Variants in DDT observed in about 807,000 individuals in gnomAD.
DDT encodes the protein D-dopachrome tautomerase.
In DDT, 4 loss-of-function variants were observed where a neutral mutation model predicts 2.5. The observed-to-expected ratio is 1.59, with a 90% CI of 0.78 to 3.63. The LOEUF is 3.63. Among genes scored for constraint, DDT ranks in the 30% most tolerant of loss-of-function variants. DDT has a pLI of 0.01. For missense variants in DDT, 32 were observed against 30.0 expected (o/e 1.07, Z -0.15); for synonymous variants, 11 against 10.0 (o/e 1.10, Z -0.19).
chr22:23,972,051 C>T (rs1350448281), intron 2 of DDT: 4 of 477,152 alleles, frequency 8.4e-6, no homozygotes, highest in African/African-American at 6.3e-5. Flanking sequence ...AGTGAACATG[C>T]CCCTCTCAGA....
intron 2 of DDT, chr22:23,972,002 C>T (rs965330106): frequency 2.6e-5 from 7 of 264,426 alleles, no homozygotes; most frequent in Non-Finnish European, 3.6e-5. Flanking sequence ...CAGGGTGACC[C>T]CCCACCCCAC....
intron 2 of DDT, chr22:23,972,076 TC>T: frequency 1.4e-6 from 1 of 721,314 alleles, no homozygotes; most frequent in Non-Finnish European, 1.7e-6. Flanking sequence ...ACAGCAAGTT[TC>T]CAGTGAGGAA....
In DDT at chr22:23,971,602, G is replaced by A. The variant is rs758879042; in HGVS notation, c.306C>T (p.Pro102=). The change falls in exon 3 of 3, where the codon CCC becomes CCT. Residue 102 remains proline (P), a synonymous_variant. Coordinates refer to ENST00000398344, the MANE Select transcript of DDT (RefSeq NM_001084392.3). Reference sequence around the variant, plus strand: ...TCTTGCCAATCTGCCAGGACTCCAAGGGGAAAAAGCGGATAAGTATCCTTC... The same window carrying A: ...TCTTGCCAATCTGCCAGGACTCCAAAGGGAAAAAGCGGATAAGTATCCTTC... The part of the protein sequence containing the change: ...GQDRILIRFF[P]LESWQIGKIG... 1 of 1,614,064 alleles carries A rather than the reference G, an allele frequency of 6.2e-7. No homozygotes were observed. The highest frequency in any genetic ancestry group is 1.1e-5 in the South Asian group (1 of 91,078).
Position 23,971,465 on chromosome 22 carries a change from G to A in DDT, c.*86C>T. The A allele has an allele frequency of 6.2e-7, 1 of 1,606,882 alleles. No individual in the cohort carries two copies. The highest frequency in any genetic ancestry group is 1.1e-5 in the South Asian group (1 of 90,354). On this transcript the variant is annotated 3_prime_UTR_variant, in exon 3 of 3. Coordinates refer to ENST00000398344, the MANE Select transcript of DDT (RefSeq NM_001084392.3). ...GTTGCATGCGGGATAATCCAAAGCT[G>A]GTTATCTCCAGGCCCTCACTCTGCC...
At chr22:23,971,697 C>T in intron 2 of DDT, 74 bp from the exon 3 acceptor site, 8 of 1,390,430 alleles carry the variant, frequency 5.8e-6, no homozygotes, top group Admixed American at 1.9e-5. Context: ...CTGCCAGGTA[C>T]TCCCACTGTG....
upstream of DDT, among the ~76,000 whole-genome samples, chr22:23,975,249 GCGT>G (rs1208895893): frequency 6.7e-6 from 1 of 149,048 alleles, no homozygotes; most frequent in African/African-American, 2.4e-5. Context: ...AATTAGCCGG[GCGT>G]GGTGGCAGAC....
chr22:23,972,082 G>T (rs2033917450), intron 2 of DDT: 2 of 787,000 alleles, frequency 2.5e-6, no homozygotes, highest in African/African-American at 1.9e-5. Context: ...AGTTTCCAGT[G>T]AGGAAAACCA....
At position 23,971,603 on chromosome 22, in the gene DDT, GGGAAAAAGCGGATAAGTATCCTTCA is replaced by G. The variant is rs2033903701; in HGVS notation, c.285-5_304del. 6.2e-7 allele frequency: 1 copy of G among 1,613,846 alleles called. No individual in the cohort carries two copies. The highest frequency in any genetic ancestry group is 1.3e-5 in the African/African-American group (1 of 74,888). ...CTTGCCAATCTGCCAGGACTCCAAG[GGGAAAAAGCGGATAAGTATCCTTCA>G]GGAGACAGAGAAAAAGATATCATCA... On this transcript the variant is annotated splice_acceptor_variant and splice_polypyrimidine_tract_variant and coding_sequence_variant and intron_variant, in exon 3 of 3. Coordinates refer to ENST00000398344, the MANE Select transcript of DDT (RefSeq NM_001084392.3). LOFTEE classifies it high-confidence loss of function.
chr22:23,975,388 C>G (rs1160728771), upstream of DDT, among the ~76,000 whole-genome samples: 2 of 147,766 alleles, frequency 1.4e-5, no homozygotes, highest in African/African-American at 5.0e-5. Flanking sequence ...GACTCCATCT[C>G]GAAAAAACAT....
chr22:23,971,409 A>G lies in DDT; in HGVS notation c.*142T>C. ...CTCTCTTCATTTATTTCATATGAGG[A>G]TGAAGAAGAGGATTATGTGATCACA... On this transcript the variant is annotated 3_prime_UTR_variant, in exon 3 of 3. Transcript: ENST00000398344. 1 of 1,613,204 alleles carries G rather than the reference A, an allele frequency of 6.2e-7. No homozygotes were observed. The highest frequency in any genetic ancestry group is 1.3e-5 in the African/African-American group (1 of 75,008).
At position 23,971,513 on chromosome 22, in the gene DDT, A is replaced by T; in HGVS notation, c.*38T>A. 1 of 1,612,170 alleles carries T rather than the reference A, an allele frequency of 6.2e-7. No individual in the cohort carries two copies. Among genetic ancestry groups the T allele is most frequent in the South Asian group, 1.1e-5 (1 of 90,920 alleles). On this transcript the variant is annotated 3_prime_UTR_variant, in exon 3 of 3. Transcript: ENST00000398344. ...GCCAAGAGATCTCTCTGGAAGAAGC[A>T]GCCAGTTCACAGATGCCCTGGATCC...
intron 2 of DDT, chr22:23,972,121 CG>C: frequency 1.0e-6 from 1 of 969,110 alleles, no homozygotes; most frequent in Non-Finnish European, 1.2e-6. Flanking sequence ...TTGGGGCGGG[CG>C]GGAGTATGAA....
Position 23,971,520 on chromosome 22 carries a change from TCA to T in DDT, c.*29_*30del, listed in dbSNP as rs2033901295. 1 of 1,612,692 alleles carries T rather than the reference TCA, an allele frequency of 6.2e-7. No homozygotes were observed. Among genetic ancestry groups the T allele is most frequent in the Non-Finnish European group, 8.5e-7 (1 of 1,179,128 alleles). ...GATCTCTCTGGAAGAAGCAGCCAGT[TCA>T]CAGATGCCCTGGATCCCTCCGTGCC... On this transcript the variant is annotated 3_prime_UTR_variant, in exon 3 of 3. Transcript: ENST00000398344.
At chr22:23,972,531 A>G in intron 2 of DDT, 1 of 682,860 alleles carries the variant, frequency 1.5e-6, no homozygotes, top group Non-Finnish European at 1.8e-6. Context: ...AATAATGACA[A>G]GGAATAAAGT....
At chr22:23,975,081 CA>C (rs1380097138), upstream of DDT, among the ~76,000 whole-genome samples, 1 of 145,184 alleles carries the variant, frequency 6.9e-6, no homozygotes, top group African/African-American at 2.5e-5. Context: ...CAGGGGGTGG[CA>C]AAATATGTTC....
chr22:23,972,542 CTA>C, intron 2 of DDT: 1 of 927,658 alleles, frequency 1.1e-6, no homozygotes. Context: ...GGAATAAAGT[CTA>C]TACGTATTTT....
Position 23,971,515 on chromosome 22 carries a change from C to A in DDT, c.*36G>T. 1 of 1,611,770 alleles carries A rather than the reference C, an allele frequency of 6.2e-7. No homozygotes were observed. Among genetic ancestry groups the A allele is most frequent in the Non-Finnish European group, 8.5e-7 (1 of 1,178,552 alleles). On this transcript the variant is annotated 3_prime_UTR_variant, in exon 3 of 3. Coordinates refer to ENST00000398344, the MANE Select transcript of DDT (RefSeq NM_001084392.3). ...CAAGAGATCTCTCTGGAAGAAGCAGCCAGTTCACAGATGCCCTGGATCCCT... is the reference window on the plus strand; with the variant it reads ...CAAGAGATCTCTCTGGAAGAAGCAGACAGTTCACAGATGCCCTGGATCCCT...
At position 23,971,465 on chromosome 22, in the gene DDT, G is replaced by C; in HGVS notation, c.*86C>G. 6.2e-7 allele frequency: 1 copy of C among 1,606,882 alleles called. No homozygotes were observed. Among genetic ancestry groups the C allele is most frequent in the African/African-American group, 1.3e-5 (1 of 74,824 alleles). Reference sequence around the variant, plus strand: ...GTTGCATGCGGGATAATCCAAAGCTGGTTATCTCCAGGCCCTCACTCTGCC... The same window carrying C: ...GTTGCATGCGGGATAATCCAAAGCTCGTTATCTCCAGGCCCTCACTCTGCC... On this transcript the variant is annotated 3_prime_UTR_variant, in exon 3 of 3. Coordinates refer to ENST00000398344, the MANE Select transcript of DDT (RefSeq NM_001084392.3).
In DDT at chr22:23,971,588, T is replaced by C. The variant is rs1409049647; in HGVS notation, c.320A>G (p.Gln107Arg). The change falls in exon 3 of 3, where the codon CAG becomes CGG. Residue 107 changes from glutamine to arginine, a missense_variant. Physicochemically the swap from Gln to Arg is conservative, Grantham distance 43 (BLOSUM62 1). Transcript: ENST00000398344. ...CATGACCGTCCCTATCTTGCCAATCTGCCAGGACTCCAAGGGGAAAAAGCG... is the reference window on the plus strand; with the variant it reads ...CATGACCGTCCCTATCTTGCCAATCCGCCAGGACTCCAAGGGGAAAAAGCG... ...LIRFFPLESW[Q>R]IGKIGTVMTF... 6.2e-7 allele frequency: 1 copy of C among 1,614,058 alleles called. No individual in the cohort carries two copies. Among genetic ancestry groups the C allele is most frequent in the African/African-American group, 1.3e-5 (1 of 74,930 alleles).
Sources: allele counts gnomAD v4.1 joint callset (sites outside exome capture counted in the v4.1 genomes callset), GRCh38; gene constraint gnomAD v4.1.1; transcripts MANE v1.5; gene names NCBI Gene and HGNC (gene_info 2026-07-23, HGNC 2026-07-21).